Variants in FMN2 observed in about 807,000 individuals in gnomAD.
FMN2 encodes formin-2.
Under a neutral mutation model 142.3 loss-of-function variants are expected in FMN2, and 51 were observed. The observed-to-expected ratio is 0.36, with a 90% CI of 0.29 to 0.45. The LOEUF is 0.45. Ranked by LOEUF, FMN2 falls within the 20% of genes least tolerant of loss-of-function variation. The probability of loss-of-function intolerance (pLI) is 1.00; values close to 1 mark genes in which losing one functional copy is unlikely to be tolerated. For missense variants in FMN2, 1,936 were observed against 2,122.8 expected, an observed-to-expected ratio of 0.91 and a Z score of 1.73; for synonymous variants, 882 against 869.8, an observed-to-expected ratio of 1.01 and a Z score of -0.25.
intron 2 of FMN2, among the ~76,000 whole-genome samples, chr1:240,127,245 G>C (rs898529745): frequency 6.7e-6 from 1 of 149,996 alleles, no homozygotes; most frequent in Admixed American, 6.7e-5. Context: ...GCTAATTTTT[G>C]TATTTTTAAT....
At chr1:240,181,223 T>C (rs924652267) in intron 3 of FMN2, among the ~76,000 whole-genome samples, 15 of 151,086 alleles carry the variant, frequency 9.9e-5, no homozygotes, top group African/African-American at 3.6e-4. Flanking sequence ...CAGCTGGTCT[T>C]GAACTCCTGA....
chr1:240,352,148 A>G (rs927393122), intron 13 of FMN2, among the ~76,000 whole-genome samples: 2 of 151,962 alleles, frequency 1.3e-5, no homozygotes, highest in East Asian at 1.9e-4. Context: ...CCTCATTGGG[A>G]TTGAAAAGTC....
At chr1:240,449,986 G>A (rs987937561) in intron 16 of FMN2, among the ~76,000 whole-genome samples, 1 of 152,038 alleles carries the variant, frequency 6.6e-6, no homozygotes, top group African/African-American at 2.4e-5. Flanking sequence ...TATAGGTACT[G>A]TGCTGTACAT....
At chr1:240,245,324 C>T (rs1558390465) in intron 6 of FMN2, 2 of 365,018 alleles carry the variant, frequency 5.5e-6, no homozygotes, top group African/African-American at 4.3e-5. Flanking sequence ...GACTGAGATC[C>T]TAGAGGCAGA....
At chr1:240,251,956 T>A (rs1558394087) in intron 6 of FMN2, among the ~76,000 whole-genome samples, 1 of 152,230 alleles carries the variant, frequency 6.6e-6, no homozygotes, top group Non-Finnish European at 1.5e-5. Flanking sequence ...TTGCCTAGGC[T>A]GGAGGGCAGT....
intron 8 of FMN2, among the ~76,000 whole-genome samples, chr1:240,315,445 T>C (rs1295341811): frequency 6.6e-6 from 1 of 152,220 alleles, no homozygotes; most frequent in Non-Finnish European, 1.5e-5. Context: ...GAATAAATAG[T>C]CAACTCTCTT....
intron 7 of FMN2, among the ~76,000 whole-genome samples, chr1:240,260,239 A>G (rs2102901376): frequency 6.6e-6 from 1 of 152,150 alleles, no homozygotes; most frequent in East Asian, 1.9e-4. Context: ...TTTTCGTACA[A>G]TGGCTTCTTT....
chr1:240,132,053 C>A (rs899299992), intron 2 of FMN2, among the ~76,000 whole-genome samples: 1 of 152,072 alleles, frequency 6.6e-6, no homozygotes, highest in African/African-American at 2.4e-5. Flanking sequence ...GATTTAGAAC[C>A]GACAGGACTT....
At chr1:240,248,098 TCCA>T (rs1307939739) in intron 6 of FMN2, among the ~76,000 whole-genome samples, 1 of 151,918 alleles carries the variant, frequency 6.6e-6, no homozygotes, top group East Asian at 1.9e-4. Context: ...CACCTCCCCC[TCCA>T]CCACCCACCC....
chr1:240,468,236 T>A (rs1676688834), intron 16 of FMN2, among the ~76,000 whole-genome samples: 2 of 75,822 alleles, frequency 2.6e-5, no homozygotes, highest in African/African-American at 2.2e-4. Context: ...GTGTGTGTAT[T>A]CACACACACA....
chr1:240,144,284 A>T, intron 2 of FMN2: 3 of 1,605,076 alleles, frequency 1.9e-6, no homozygotes, highest in Non-Finnish European at 2.6e-6. Flanking sequence ...GGCAGAGTCC[A>T]CCTGAGAGCC....
rs1674250953 is a variant in FMN2, at chr1:240,407,514, C to T, written c.4910+14952C>T. ...GACTGATTCCAGCACCGTTGAAGTC[C>T]TGCATCTGCAGAGAGTGTCAAGGAG... On this transcript the variant is annotated intron_variant, in intron 15 of 17. Transcript: ENST00000319653. 2.0e-5 allele frequency among the ~76,000 whole-genome samples: 3 copies of T among 152,166 alleles called. No individual in the cohort carries two copies. In the South Asian group the frequency reaches 6.2e-4, roughly 31 times the overall value.
At position 240,300,326 on chromosome 1, in the gene FMN2, C is replaced by T. The variant is rs113643435; in HGVS notation, c.4215+5443C>T. On this transcript the variant is annotated intron_variant, in intron 8 of 17. Transcript: ENST00000319653. ...TGTTGAATGAATGAACCCTTTGAAA[C>T]GGGAGCTCAGCATGGTAGAACGTTT... Among the ~76,000 whole-genome samples the T allele has an allele frequency of 8.4e-3, 1,276 of 152,270 alleles. 19 individuals are homozygous for T. The highest frequency in any genetic ancestry group is 0.027 in the African/African-American group (1,118 of 41,550).
chr1:240,347,885 T>C lies in FMN2; in HGVS notation c.4766-7931T>C, dbSNP rs12076566. ...AAGGACATGATTTTGTTCTGTTTCA[T>C]GGCTGCATAGTATTCCATGGTGTAT... On this transcript the variant is annotated intron_variant, in intron 13 of 17. Transcript: ENST00000319653. Among the ~76,000 whole-genome samples, 763 of 152,346 alleles carry C rather than the reference T, an allele frequency of 5.0e-3. 9 individuals are homozygous for C. Among genetic ancestry groups the C allele is most frequent in the African/African-American group, 0.017 (718 of 41,580 alleles).
chr1:240,200,104 G>T (rs967879514), intron 4 of FMN2, among the ~76,000 whole-genome samples: 5 of 152,094 alleles, frequency 3.3e-5, no homozygotes, highest in Non-Finnish European at 7.4e-5. Context: ...AGTTCCAGGC[G>T]CTGGACACAG....
intron 8 of FMN2, among the ~76,000 whole-genome samples, chr1:240,326,634 A>G: frequency 6.6e-6 from 1 of 152,162 alleles, no homozygotes; most frequent in East Asian, 1.9e-4. Flanking sequence ...TTCAACAGCT[A>G]GATTGAGTGT....
chr1:240,330,248 T>C (rs574909951), intron 10 of FMN2, among the ~76,000 whole-genome samples: 56 of 152,312 alleles, frequency 3.7e-4, no homozygotes, highest in Admixed American at 1.4e-3. Flanking sequence ...ATATTAGTGA[T>C]GTTATTTTGT....
At chr1:240,435,422 A>G (rs1675332470) in intron 15 of FMN2, among the ~76,000 whole-genome samples, 1 of 151,874 alleles carries the variant, frequency 6.6e-6, no homozygotes, top group African/African-American at 2.4e-5. Flanking sequence ...TGATCACATG[A>G]GAATCTGTTA....
intron 15 of FMN2, among the ~76,000 whole-genome samples, chr1:240,432,495 T>C (rs1675210434): frequency 6.6e-6 from 1 of 151,984 alleles, no homozygotes; most frequent in Non-Finnish European, 1.5e-5. Context: ...TTTATTTCTT[T>C]GTTTTGTGTT....
Sources: allele counts gnomAD v4.1 joint callset (sites outside exome capture counted in the v4.1 genomes callset), GRCh38; gene constraint gnomAD v4.1.1; transcripts MANE v1.5; gene names NCBI Gene and HGNC (gene_info 2026-07-23, HGNC 2026-07-21).